Variants in IPCEF1 observed in about 807,000 individuals in gnomAD.
IPCEF1 encodes interaction protein for cytohesin exchange factors 1.
In IPCEF1, 31 loss-of-function variants were observed where a neutral mutation model predicts 50.9. The observed-to-expected ratio is 0.61, with a 90% CI of 0.46 to 0.82. IPCEF1 has a LOEUF of 0.82. Among genes scored for constraint, IPCEF1 ranks in the 40% least tolerant of loss-of-function variants. IPCEF1 has a pLI of 0.00. For synonymous variants in IPCEF1, 181 were observed against 192.0 expected (o/e 0.94, Z 0.47); for missense variants, 458 against 514.0 (o/e 0.89, Z 1.05).
At chr6:154,320,566 T>C (rs563939736) in intron 1 of IPCEF1, among the ~76,000 whole-genome samples, 69 of 152,342 alleles carry the variant, frequency 4.5e-4, no homozygotes, top group Middle Eastern at 3.4e-3. Flanking sequence ...GTAGTCAATT[T>C]TTAGACATTT....
chr6:154,222,089 C>T (rs1281643253), intron 6 of IPCEF1, among the ~76,000 whole-genome samples: 2 of 152,158 alleles, frequency 1.3e-5, no homozygotes, highest in Non-Finnish European at 2.9e-5. Flanking sequence ...AGGTATGGAA[C>T]GTCCACTCTG....
At chr6:154,286,455 C>T (rs988465945) in intron 2 of IPCEF1, among the ~76,000 whole-genome samples, 4 of 152,174 alleles carry the variant, frequency 2.6e-5, no homozygotes, top group East Asian at 1.9e-4. Context: ...GAGTAAAAGA[C>T]GAAAATTGTT....
chr6:154,341,476 T>C (rs1456656529), intron 1 of IPCEF1, among the ~76,000 whole-genome samples: 1 of 152,136 alleles, frequency 6.6e-6, no homozygotes, highest in African/African-American at 2.4e-5. Context: ...TCCAGAAAGA[T>C]TAGCATGAGA....
chr6:154,156,581 A>G lies in IPCEF1; in HGVS notation c.*3247T>C, dbSNP rs901985871. 1 of 152,248 alleles carries G rather than the reference A, an allele frequency of 6.6e-6. No homozygotes were observed. The highest frequency in any genetic ancestry group is 2.4e-5 in the African/African-American group (1 of 41,446). The allele number at this position is 152,248 out of a possible 1,614,324, so 9.4% of individuals were successfully genotyped here. ...AAACACACCAATTTGCAAACTACAA[A>G]GTGCTGTGTAAATGTAAGGCATGGG... On this transcript the variant is annotated 3_prime_UTR_variant, in exon 12 of 12. Transcript: ENST00000367220.
At chr6:154,169,715 A>G (rs1464159210) in intron 10 of IPCEF1, among the ~76,000 whole-genome samples, 1 of 152,160 alleles carries the variant, frequency 6.6e-6, no homozygotes, top group Non-Finnish European at 1.5e-5. Context: ...GATTGCAGTG[A>G]AGCCACTCCA....
intron 1 of IPCEF1, among the ~76,000 whole-genome samples, chr6:154,340,850 A>T (rs1172394514): frequency 6.7e-6 from 1 of 149,168 alleles, no homozygotes; most frequent in Non-Finnish European, 1.5e-5. Flanking sequence ...ATGCCATTGC[A>T]CTCAGCCTGG....
At chr6:154,345,534 G>T (rs1424764803) in intron 1 of IPCEF1, among the ~76,000 whole-genome samples, 2 of 152,178 alleles carry the variant, frequency 1.3e-5, no homozygotes, top group African/African-American at 4.8e-5. Context: ...CCAAAAGAGA[G>T]CTGCTGCCAC....
intron 9 of IPCEF1, among the ~76,000 whole-genome samples, chr6:154,203,000 G>A (rs1001245223): frequency 6.6e-6 from 1 of 152,168 alleles, no homozygotes; most frequent in Non-Finnish European, 1.5e-5. Context: ...AGTGAACCTG[G>A]AGTTTAATTT....
chr6:154,355,678 G>A (rs980187112), intron 1 of IPCEF1, among the ~76,000 whole-genome samples: 1 of 151,878 alleles, frequency 6.6e-6, no homozygotes, highest in Non-Finnish European at 1.5e-5. Context: ...TAGTAGAGAC[G>A]GGGTTTCATC....
At chr6:154,225,868 A>G (rs1172760653) in intron 5 of IPCEF1, among the ~76,000 whole-genome samples, 1 of 152,170 alleles carries the variant, frequency 6.6e-6, no homozygotes, top group Non-Finnish European at 1.5e-5. Flanking sequence ...ATTCATTTCT[A>G]TATGTTCCAG....
At chr6:154,329,925 C>T (rs751302881) in intron 1 of IPCEF1, 1 of 152,382 alleles carries the variant, frequency 6.6e-6, no homozygotes, top group African/African-American at 2.4e-5. Context: ...CTCCAAAGTA[C>T]TTCCCAGCCC....
At chr6:154,183,278 C>T (rs1398882323) in intron 10 of IPCEF1, among the ~76,000 whole-genome samples, 2 of 152,202 alleles carry the variant, frequency 1.3e-5, no homozygotes, top group Admixed American at 1.3e-4. Context: ...CACACCCAGC[C>T]ACCTTTATCT....
chr6:154,219,980 T>TAAGG lies in IPCEF1; in HGVS notation c.392+1273_392+1276dup, dbSNP rs1377940875. ...CTGGACAGAGCTGAGCGGATACCTG[T>TAAGG]AAGGAGTGTGTGTGTGTGTGTGTGT... is the stretch of plus-strand genomic sequence containing the variant. On this transcript the variant is annotated intron_variant, in intron 7 of 11. Transcript: ENST00000367220. Among the ~76,000 whole-genome samples the TAAGG allele has an allele frequency of 6.7e-5, 9 of 135,274 alleles. No homozygotes were observed. In the East Asian group the frequency reaches 2.0e-3, roughly 30 times the overall value. The allele number at this position is 135,274 out of a possible 152,430, so 88.7% of individuals were successfully genotyped here. A position where few individuals can be genotyped will look rare whatever the true frequency, so the allele number is the denominator to read the frequency against.
intron 2 of IPCEF1, among the ~76,000 whole-genome samples, chr6:154,282,056 C>G (rs1782227162): frequency 6.6e-6 from 1 of 152,192 alleles, no homozygotes; most frequent in East Asian, 1.9e-4. Context: ...GTAATCCCAG[C>G]TACTCGGGAG....
chr6:154,215,120 C>T (rs1050263988), intron 7 of IPCEF1, among the ~76,000 whole-genome samples: 3 of 152,122 alleles, frequency 2.0e-5, no homozygotes, highest in East Asian at 1.9e-4. Context: ...TTTATCAATT[C>T]GTCTATGCTT....
chr6:154,234,564 C>T (rs1164503337), intron 5 of IPCEF1, among the ~76,000 whole-genome samples: 1 of 152,178 alleles, frequency 6.6e-6, no homozygotes, highest in African/African-American at 2.4e-5. Flanking sequence ...ACTATTCCCT[C>T]CTAAAAGTCA....
intron 5 of IPCEF1, among the ~76,000 whole-genome samples, chr6:154,237,410 C>A (rs747232121): frequency 7.2e-5 from 11 of 152,188 alleles, no homozygotes; most frequent in Non-Finnish European, 8.8e-5. Context: ...CTTTCTTACA[C>A]AGGACAGATC....
chr6:154,169,862 A>G (rs572620479), intron 10 of IPCEF1, among the ~76,000 whole-genome samples: 2 of 152,302 alleles, frequency 1.3e-5, no homozygotes, highest in East Asian at 3.9e-4. Context: ...CAGTTCCAAG[A>G]CTTTGGAGTA....
intron 1 of IPCEF1, among the ~76,000 whole-genome samples, chr6:154,355,664 T>C (rs1351594910): frequency 6.6e-6 from 1 of 152,038 alleles, no homozygotes; most frequent in African/African-American, 2.4e-5. Flanking sequence ...AATTTTTGTA[T>C]TTTTAGTAGA....
Sources: gnomAD v4.1 joint callset for allele counts (sites outside exome capture counted in the v4.1 genomes callset) on GRCh38, gnomAD v4.1.1 for gene constraint, MANE v1.5 for transcripts, NCBI Gene and HGNC (gene_info 2026-07-23, HGNC 2026-07-21) for gene names.